Variants in CCR7 observed in about 807,000 individuals in gnomAD.
The protein encoded by CCR7 is C-C motif chemokine receptor 7.
In CCR7, 11 loss-of-function variants were observed where a neutral mutation model predicts 26.0. That is an observed-to-expected ratio of 0.42 (90% CI 0.27 to 0.70). The LOEUF is 0.70. Among genes scored for constraint, CCR7 ranks in the 30% least tolerant of loss-of-function variants. CCR7 has a pLI of 0.23. For synonymous variants in CCR7, 189 were observed against 202.1 expected, an observed-to-expected ratio of 0.94 and a Z score of 0.55; for missense variants, 360 against 504.0, an observed-to-expected ratio of 0.71 and a Z score of 2.74.
rs1010446166 is a variant in CCR7, at chr17:40,564,147, G to A, written c.10+1253C>T. On this transcript the variant is annotated intron_variant, in intron 1 of 2. Transcript: ENST00000246657. ...AGTGGGATTTAAGGGTAGATTGGCT[G>A]GGAAATGAGGCATTTGGAAGAGATT... Among the ~76,000 whole-genome samples the A allele has an allele frequency of 5.3e-5, 8 of 152,108 alleles. No individual in the cohort carries two copies. The South Asian group carries it at 1.7e-3, about 32-fold the overall frequency.
At chr17:40,562,573 C>T (rs1400665544) in intron 1 of CCR7, among the ~76,000 whole-genome samples, 1 of 152,172 alleles carries the variant, frequency 6.6e-6, no homozygotes, top group African/African-American at 2.4e-5. Context: ...CAAATCTCAT[C>T]CTTTAATTCA....
chr17:40,554,412 C>T lies in CCR7; in HGVS notation c.*330G>A, dbSNP rs1239637795. On this transcript the variant is annotated 3_prime_UTR_variant, in exon 3 of 3. Coordinates refer to ENST00000246657, the MANE Select transcript of CCR7 (RefSeq NM_001838.4). The stretch of plus-strand genomic sequence containing the variant: ...CTTCAGGCCACTCCCACGCCCCTTG[C>T]ACTCACCCTCCTTGGCCCCTTCACT... 1 of 301,864 alleles carries T rather than the reference C, an allele frequency of 3.3e-6. No homozygotes were observed. The highest frequency in any genetic ancestry group is 2.2e-5 in the African/African-American group (1 of 45,744). The allele number at this position is 301,864 out of a possible 1,614,324, so 18.7% of individuals were successfully genotyped here. A position where few individuals can be genotyped will look rare whatever the true frequency, so the allele number is the denominator to read the frequency against.
Position 40,554,542 on chromosome 17 carries a change from C to T in CCR7, c.*200G>A. 1 of 618,708 alleles carries T rather than the reference C, an allele frequency of 1.6e-6. No individual in the cohort carries two copies. Among genetic ancestry groups the T allele is most frequent in the Non-Finnish European group, 2.9e-6 (1 of 348,880 alleles). 38.3% of individuals were successfully genotyped at this position (618,708 alleles called of 1,614,324 possible). A position where few individuals can be genotyped will look rare whatever the true frequency, so the allele number is the denominator to read the frequency against. ...TCTGTCTGGTGTTAGCTTATCAGCCCTGTCTTTTTTTGGCATTGGTTGAGG... is the reference window on the plus strand; with the variant it reads ...TCTGTCTGGTGTTAGCTTATCAGCCTTGTCTTTTTTTGGCATTGGTTGAGG... On this transcript the variant is annotated 3_prime_UTR_variant, in exon 3 of 3. Coordinates refer to ENST00000246657, the MANE Select transcript of CCR7 (RefSeq NM_001838.4).
chr17:40,558,215 G>C (rs931561168), intron 2 of CCR7, among the ~76,000 whole-genome samples: 3 of 152,220 alleles, frequency 2.0e-5, no homozygotes, highest in South Asian at 4.1e-4. Context: ...GACTCTGCGA[G>C]TTACAGTTTC....
At position 40,554,894 on chromosome 17, in the gene CCR7, T is replaced by C; in HGVS notation, c.985A>G (p.Ile329Val). The change falls in exon 3 of 3, where the codon ATC becomes GTC. Residue 329 changes from isoleucine to valine, a missense_variant. By Grantham distance (29) the Ile-to-Val change is conservative. Transcript: ENST00000246657. ...CCVNPFLYAF[I>V]GVKFRNDLFK... is the part of the protein sequence containing the mutation. ...AGATCGTTGCGGAACTTGACGCCGA[T>C]GAAGGCGTACAAGAAAGGGTTGACG... is the stretch of plus-strand genomic sequence containing the variant. The C allele has an allele frequency of 6.2e-7, 1 of 1,614,160 alleles. No individual in the cohort carries two copies. Among genetic ancestry groups the C allele is most frequent in the Non-Finnish European group, 8.5e-7 (1 of 1,180,030 alleles).
At chr17:40,556,196 A>G (rs2036585976) in intron 2 of CCR7, among the ~76,000 whole-genome samples, 1 of 152,106 alleles carries the variant, frequency 6.6e-6, no homozygotes, top group African/African-American at 2.4e-5. Flanking sequence ...TAGGAATGCA[A>G]ATTCTCAGGC....
At chr17:40,560,508 GA>G (rs1362773161) in intron 1 of CCR7, among the ~76,000 whole-genome samples, 1 of 152,242 alleles carries the variant, frequency 6.6e-6, no homozygotes, top group Non-Finnish European at 1.5e-5. Flanking sequence ...GTGTTCCCCG[GA>G]AATTGTGTAA....
Position 40,557,400 on chromosome 17 carries a change from A to T in CCR7, c.60+1493T>A, listed in dbSNP as rs117807525. Among the ~76,000 whole-genome samples the T allele has an allele frequency of 7.5e-3, 1,148 of 152,310 alleles. 27 individuals carry two copies. The South Asian group carries it at 0.099, about 13-fold the overall frequency. On this transcript the variant is annotated intron_variant, in intron 2 of 2. Transcript: ENST00000246657. ...CTATCCATTTATGCTGGAGGGATTC[A>T]CCGCATCTTGTCTCTATCTCTTTTT...
At chr17:40,559,054 A>G (rs553853532) in intron 1 of CCR7, 112 bp from the exon 2 acceptor site, 2 of 840,136 alleles carry the variant, frequency 2.4e-6, no homozygotes, top group Non-Finnish European at 3.8e-6. Context: ...AGCTCCAGGC[A>G]CTGTGTTTGC....
chr17:40,562,497 G>A (rs998070226), intron 1 of CCR7, among the ~76,000 whole-genome samples: 26 of 152,080 alleles, frequency 1.7e-4, no homozygotes, highest in African/African-American at 6.3e-4. Context: ...CAAAAGAGCC[G>A]GCCCCACCTC....
intron 2 of CCR7, among the ~76,000 whole-genome samples, chr17:40,557,293 A>AGCT (rs537617375): frequency 1.3e-3 from 201 of 152,278 alleles, no homozygotes; most frequent in African/African-American, 4.5e-3. Context: ...CAGGGCAGGG[A>AGCT]GCTGGGCTGG....
Position 40,565,393 on chromosome 17 carries a change from C to G in CCR7, c.10+7G>C, listed in dbSNP as rs772439016. 1.9e-6 allele frequency: 3 copies of G among 1,612,766 alleles called. No homozygotes were observed. The South Asian group carries it at 3.3e-5, about 18-fold the overall frequency. ...CTGTTCCTTCTCACATGAAGAGGCT[C>G]ACTCACCCAGGTCCATGACGCTCTC... On this transcript the variant is annotated splice_region_variant and intron_variant, in intron 1 of 2. Coordinates refer to ENST00000246657, the MANE Select transcript of CCR7 (RefSeq NM_001838.4).
chr17:40,561,857 C>G lies in CCR7; in HGVS notation c.11-2915G>C, dbSNP rs371988423. 4.7e-4 allele frequency among the ~76,000 whole-genome samples: 71 copies of G among 152,192 alleles called. 3 individuals carry two copies. In the South Asian group the frequency reaches 0.014, roughly 30 times the overall value. The stretch of plus-strand genomic sequence containing the variant: ...GGGAGGTGGTGAGAGGTCTAGAGAT[C>G]TGGGGAATCCACTTTCAGACAGTAG... On this transcript the variant is annotated intron_variant, in intron 1 of 2. Coordinates refer to ENST00000246657, the MANE Select transcript of CCR7 (RefSeq NM_001838.4).
At chr17:40,557,656 G>A (rs2036606416) in intron 2 of CCR7, among the ~76,000 whole-genome samples, 1 of 152,202 alleles carries the variant, frequency 6.6e-6, no homozygotes, top group South Asian at 2.1e-4. Flanking sequence ...CTGGACATGA[G>A]GGGGTCTCAG....
chr17:40,556,140 C>T (rs569682600), intron 2 of CCR7, among the ~76,000 whole-genome samples: 29 of 152,158 alleles, frequency 1.9e-4, no homozygotes, highest in African/African-American at 6.5e-4. Flanking sequence ...GTGGTTTCAT[C>T]GTGAGGTCCG....
chr17:40,557,989 C>A (rs2143911173), intron 2 of CCR7, among the ~76,000 whole-genome samples: 1 of 152,320 alleles, frequency 6.6e-6, no homozygotes, highest in Admixed American at 6.5e-5. Context: ...AGGCTATGGG[C>A]TGCAGCCCAG....
chr17:40,565,298 C>A (rs1410144072), intron 1 of CCR7, 102 bp downstream of exon 1: 6 of 1,003,696 alleles, frequency 6.0e-6, no homozygotes, highest in South Asian at 3.8e-5. Context: ...CAGGAAGCAC[C>A]CCTATGCGCT....
In CCR7 at chr17:40,555,377, G is replaced by A. The variant is rs1203341738; in HGVS notation, c.502C>T (p.Arg168Cys). The A allele has an allele frequency of 1.2e-6, 2 of 1,614,004 alleles. No individual in the cohort carries two copies. Among genetic ancestry groups the A allele is most frequent in the East Asian group, 2.2e-5 (1 of 44,898 alleles). ...TTGCTGATGAGAAGGACGCGGGCAC[G>A]GTGGCGGTGAGCTGAGACAGCCTGG... The part of the protein sequence containing the change: ...IVQAVSAHRH[R>C]ARVLLISKLS... Residue 168 changes from arginine to cysteine, a missense_variant, in exon 3 of 3, where the codon CGT becomes TGT. Arg to Cys is a radical substitution (Grantham distance 180, BLOSUM62 -3). Coordinates refer to ENST00000246657, the MANE Select transcript of CCR7 (RefSeq NM_001838.4). The surrounding 1 kb of genome is among the most constrained non-coding windows in gnomAD (Gnocchi z 5.6).
chr17:40,557,362 C>T (rs926664820), intron 2 of CCR7, among the ~76,000 whole-genome samples: 4 of 152,254 alleles, frequency 2.6e-5, no homozygotes, highest in African/African-American at 7.2e-5. Flanking sequence ...AGCAGCTCAG[C>T]GACGGTGGGT....
Sources: allele counts gnomAD v4.1 joint callset (sites outside exome capture counted in the v4.1 genomes callset), GRCh38; gene constraint gnomAD v4.1.1; non-coding constraint Gnocchi (gnomAD v3.1); transcripts MANE v1.5; gene names NCBI Gene and HGNC (gene_info 2026-07-23, HGNC 2026-07-21).